DMTN: variants seen among roughly 807,000 people sequenced by gnomAD.
DMTN encodes the protein dematin.
Under a neutral mutation model 59.4 loss-of-function variants are expected in DMTN, and 27 were observed. The observed-to-expected ratio is 0.45, with a 90% CI of 0.33 to 0.63. The LOEUF is 0.63. Ranked by LOEUF, DMTN falls within the 20% of genes least tolerant of loss-of-function variation. The pLI is 0.02. For synonymous variants in DMTN, 221 were observed against 203.7 expected, an observed-to-expected ratio of 1.08 and a Z score of -0.72; for missense variants, 451 against 528.9, an observed-to-expected ratio of 0.85 and a Z score of 1.45.
chr8:22,069,517 T>C lies in DMTN; in HGVS notation c.393T>C (p.Pro131=). ...PRTSLPHFHH[P]ETSRPDSNIY... ...CCAGCCTGCCCCATTTCCACCACCC[T>C]GGTAGGTCTTCTCGGCACGACCTCA... The change falls in exon 6 of 16, where the codon CCT becomes CCC. Residue 131 remains proline (P), a splice_region_variant and synonymous_variant. Transcript: ENST00000358242. 1 of 1,591,158 alleles carries C rather than the reference T, an allele frequency of 6.3e-7. No individual in the cohort carries two copies. Among genetic ancestry groups the C allele is most frequent in the South Asian group, 1.1e-5 (1 of 88,794 alleles).
In DMTN at chr8:22,069,586, C is replaced by T. The variant is rs546172597; in HGVS notation, c.394+68C>T. 213 of 1,330,804 alleles carry T rather than the reference C, an allele frequency of 1.6e-4. 1 individual carries two copies. The highest frequency in any genetic ancestry group is 7.5e-4 in the Middle Eastern group (4 of 5,340). The allele number at this position is 1,330,804 out of a possible 1,614,324, so 82.4% of individuals were successfully genotyped here. The stretch of plus-strand genomic sequence containing the variant: ...TCCATCAGGAACCCCAATCCCCTTA[C>T]GCTCAGTCCCCCACTCTCTGGGGTA... On this transcript the variant is annotated intron_variant, in intron 6 of 15. Coordinates refer to ENST00000358242, the MANE Select transcript of DMTN (RefSeq NM_001387751.1).
chr8:22,072,211 T>C (rs537130467), intron 8 of DMTN, 115 bp from the exon 9 acceptor site: 2 of 1,331,012 alleles, frequency 1.5e-6, no homozygotes, highest in Non-Finnish European at 1.9e-6. Context: ...TAAAAAAATT[T>C]TGTAGTGGCC....
At chr8:22,054,959 T>A (rs1801913081), upstream of DMTN, 1 of 152,668 alleles carries the variant, frequency 6.6e-6, no homozygotes, top group Admixed American at 6.5e-5. Context: ...GAGGTGTATG[T>A]CACCGAGGAG....
intron 14 of DMTN, 21 bp from the exon 15 acceptor site, chr8:22,081,092 T>TGGGGGGGGGCG: frequency 1.3e-6 from 2 of 1,547,314 alleles, no homozygotes; most frequent in Non-Finnish European, 1.8e-6. Context: ...AGCCTAAGAT[T>TGGGGGGGGGCG]GCCCCTCCCC....
upstream of DMTN, among the ~76,000 whole-genome samples, chr8:22,055,967 C>A (rs560959345): frequency 1.3e-5 from 2 of 152,140 alleles, no homozygotes; most frequent in Non-Finnish European, 2.9e-5. Flanking sequence ...GGCAAGTCTG[C>A]GGTGTGGAGG....
chr8:22,081,866 T>C lies in DMTN; in HGVS notation c.*403T>C. Reference sequence around the variant, plus strand: ...GCCAGGCAGAAAGAGCTCCAGGCTCTTGTGTCGCCCACCCAGCCCTCCCAT... The same window carrying C: ...GCCAGGCAGAAAGAGCTCCAGGCTCCTGTGTCGCCCACCCAGCCCTCCCAT... On this transcript the variant is annotated 3_prime_UTR_variant, in exon 16 of 16. Coordinates refer to ENST00000358242, the MANE Select transcript of DMTN (RefSeq NM_001387751.1). 2.2e-6 allele frequency: 1 copy of C among 463,028 alleles called. No homozygotes were observed. Among genetic ancestry groups the C allele is most frequent in the Non-Finnish European group, 4.3e-6 (1 of 231,364 alleles). 28.7% of individuals were successfully genotyped at this position (463,028 alleles called of 1,614,324 possible).
At position 22,066,838 on chromosome 8, in the gene DMTN, G is replaced by A. The variant is rs1049451607; in HGVS notation, c.-38G>A. ...CGCTGTCCTCTCCCCTCGCGCACAG[G>A]GCTCTGCGAGTGACCCGGCGGGCGA... is the stretch of plus-strand genomic sequence containing the variant. On this transcript the variant is annotated 5_prime_UTR_variant, in exon 2 of 16. Transcript: ENST00000358242. 1.4e-6 allele frequency: 2 copies of A among 1,417,722 alleles called. No individual in the cohort carries two copies. The highest frequency in any genetic ancestry group is 1.8e-6 in the Non-Finnish European group (2 of 1,083,216). The allele number at this position is 1,417,722 out of a possible 1,614,324, so 87.8% of individuals were successfully genotyped here.
Position 22,081,532 on chromosome 8 carries a change from G to A in DMTN, c.*69G>A. On this transcript the variant is annotated 3_prime_UTR_variant, in exon 16 of 16. Transcript: ENST00000358242. ...TCAGGGTTTTTCCCCGGCGGGTTGG[G>A]AGGGGCAGGAGGTGGGGTGGAAATA... The A allele has an allele frequency of 7.1e-7, 1 of 1,406,410 alleles. No individual in the cohort carries two copies. Among genetic ancestry groups the A allele is most frequent in the Admixed American group, 1.7e-5 (1 of 58,514 alleles). 87.1% of individuals were successfully genotyped at this position (1,406,410 alleles called of 1,614,324 possible). A position where few individuals can be genotyped will look rare whatever the true frequency, so the allele number is the denominator to read the frequency against.
At chr8:22,081,271 C>CT in intron 15 of DMTN, 78 bp downstream of exon 15, 1 of 1,602,006 alleles carries the variant, frequency 6.2e-7, no homozygotes, top group Middle Eastern at 1.7e-4. Context: ...TCTGGGGCCT[C>CT]TATGAGTGAG....
At chr8:22,054,102 A>T (rs1393354395), upstream of DMTN, among the ~76,000 whole-genome samples, 1 of 148,764 alleles carries the variant, frequency 6.7e-6, no homozygotes, top group Non-Finnish European at 1.5e-5. Context: ...CCCACCACCA[A>T]TACACACACA....
chr8:22,067,545 G>T lies in DMTN; in HGVS notation c.112G>T (p.Val38Leu), dbSNP rs748736580. 5 of 1,614,090 alleles carry T rather than the reference G, an allele frequency of 3.1e-6. No homozygotes were observed. In the African/African-American group the frequency reaches 5.3e-5, roughly 17 times the overall value. Residue 38 changes from valine to leucine, a missense_variant, in exon 4 of 16, where the codon GTG becomes TTG. Val to Leu is a conservative substitution (Grantham distance 32, BLOSUM62 1). Transcript: ENST00000358242. Reference sequence around the variant, plus strand: ...CCTTCAGGCCAAGATGGACAATCAGGTGCTGGGCTACAAGGACCTGGCTGC... The same window carrying T: ...CCTTCAGGCCAAGATGGACAATCAGTTGCTGGGCTACAAGGACCTGGCTGC... ...SSIVAKMDNQ[V>L]LGYKDLAAIP...
chr8:22,073,734 C>A lies in DMTN; in HGVS notation c.734C>A (p.Thr245Asn). ...ERQREELSKV[T>N]SNLGKMILKE... is the part of the protein sequence containing the mutation. ...TCTTCCTTTCTCCCTCCTCAGGTTA[C>A]TTCCAACTTGGGAAAGATGATCTTG... The change falls in exon 10 of 16, where the codon ACT becomes AAT. Residue 245 changes from threonine (T) to asparagine (N), a missense_variant. Coordinates refer to ENST00000358242, the MANE Select transcript of DMTN (RefSeq NM_001387751.1). The A allele has an allele frequency of 6.2e-7, 1 of 1,608,970 alleles. No homozygotes were observed. Among genetic ancestry groups the A allele is most frequent in the Non-Finnish European group, 8.5e-7 (1 of 1,176,912 alleles).
intron 14 of DMTN, 24 bp downstream of exon 14, chr8:22,080,894 C>T (rs1823823367): frequency 6.5e-7 from 1 of 1,546,454 alleles, no homozygotes; most frequent in South Asian, 1.2e-5. Context: ...GACACAAGCG[C>T]CTGTAGCGGG....
rs1041571793 is a variant in DMTN at position 22,081,698 on chromosome 8, G to T, written c.*235G>T. The T allele has an allele frequency of 1.0e-5, 6 of 592,222 alleles. No individual in the cohort carries two copies. Among genetic ancestry groups the T allele is most frequent in the African/African-American group, 5.5e-5 (3 of 54,258 alleles). 36.7% of individuals were successfully genotyped at this position (592,222 alleles called of 1,614,324 possible). A position where few individuals can be genotyped will look rare whatever the true frequency, so the allele number is the denominator to read the frequency against. ...GCCCTCCCTGCACAGGGCAAAGCCA[G>T]TCTGGGCTCTGGCACACAGAGTTCA... On this transcript the variant is annotated 3_prime_UTR_variant, in exon 16 of 16. Transcript: ENST00000358242.
At position 22,066,881 on chromosome 8, in the gene DMTN, A is replaced by T. The variant is rs1441881191; in HGVS notation, c.6A>T (p.Glu2Asp). ...GCGGGCGAGCTCCGTGCTGCATGGAACGGCTGCAGAAGGTGCGCGGCGCCG... is the reference window on the plus strand; with the variant it reads ...GCGGGCGAGCTCCGTGCTGCATGGATCGGCTGCAGAAGGTGCGCGGCGCCG... Reference protein sequence around the residue: MERLQKQPLTSP... With the variant: MDRLQKQPLTSP... Residue 2 changes from glutamate to aspartate, a missense_variant, in exon 2 of 16, where the codon GAA becomes GAT. Transcript: ENST00000358242. 7.5e-7 allele frequency: 1 copy of T among 1,327,450 alleles called. No individual in the cohort carries two copies. The highest frequency in any genetic ancestry group is 9.6e-7 in the Non-Finnish European group (1 of 1,036,324). The allele number at this position is 1,327,450 out of a possible 1,614,324, so 82.2% of individuals were successfully genotyped here.
Position 22,069,370 on chromosome 8 carries a change from G to C in DMTN, c.295-49G>C. 2 of 1,507,274 alleles carry C rather than the reference G, an allele frequency of 1.3e-6. 1 individual carries two copies. The highest frequency in any genetic ancestry group is 2.3e-5 in the South Asian group (2 of 85,904). 93.4% of individuals were successfully genotyped at this position (1,507,274 alleles called of 1,614,324 possible). A position where few individuals can be genotyped will look rare whatever the true frequency, so the allele number is the denominator to read the frequency against. ...GTGTGAGCTGATGGGGTGCATGTGTGGGTTGGAGGGGGTTAGGGGCCCTGG... is the reference window on the plus strand; with the variant it reads ...GTGTGAGCTGATGGGGTGCATGTGTCGGTTGGAGGGGGTTAGGGGCCCTGG... On this transcript the variant is annotated intron_variant, in intron 5 of 15. Transcript: ENST00000358242.
intron 8 of DMTN, 45 bp downstream of exon 8, chr8:22,070,379 T>C (rs1158521334): frequency 6.4e-7 from 1 of 1,554,380 alleles, no homozygotes; most frequent in East Asian, 2.3e-5. Context: ...GGGAAACTCC[T>C]GCACTCCCTC....
intron 3 of DMTN, 131 bp from the exon 4 acceptor site, chr8:22,067,396 A>G (rs1208450247): frequency 6.6e-6 from 9 of 1,367,026 alleles, no homozygotes; most frequent in Non-Finnish European, 8.9e-6. Context: ...CTAATTTCTT[A>G]AAATAATAGA....
Position 22,075,516 on chromosome 8 carries a change from A to ATTTTT in DMTN, c.835+1700_835+1704dup, listed in dbSNP as rs386412281. 3.1e-3 allele frequency among the ~76,000 whole-genome samples: 273 copies of ATTTTT among 87,660 alleles called. 19 individuals are homozygous for ATTTTT. The highest frequency in any genetic ancestry group is 7.0e-3 in the African/African-American group (147 of 21,016). The allele number at this position is 87,660 out of a possible 152,430, so 57.5% of individuals were successfully genotyped here. A position where few individuals can be genotyped will look rare whatever the true frequency, so the allele number is the denominator to read the frequency against. On this transcript the variant is annotated intron_variant, in intron 10 of 15. Coordinates refer to ENST00000358242, the MANE Select transcript of DMTN (RefSeq NM_001387751.1). ...GGTGCATGCCACCATGCCCAGCTAA[A>ATTTTT]TTTTTTTTTTTTTTTTTTTTTTTAG...
Sources: gnomAD v4.1 joint callset for allele counts (sites outside exome capture counted in the v4.1 genomes callset) on GRCh38, gnomAD v4.1.1 for gene constraint, MANE v1.5 for transcripts, NCBI Gene and HGNC (gene_info 2026-07-23, HGNC 2026-07-21) for gene names.